The following DPP6 variants were observed in gnomAD, a reference collection of about 807,000 sequenced individuals.
DPP6 encodes the protein A-type potassium channel modulatory protein DPP6.
Under a neutral mutation model 122.6 loss-of-function variants are expected in DPP6, and 69 were observed. That is an observed-to-expected ratio of 0.56 (90% CI 0.46 to 0.69). DPP6 has a LOEUF of 0.69. DPP6 is among the 30% of genes least tolerant of loss of function. The pLI is 0.00. For missense variants in DPP6, 928 were observed against 1,116.9 expected, an observed-to-expected ratio of 0.83 and a Z score of 2.41; for synonymous variants, 418 against 433.1, an observed-to-expected ratio of 0.97 and a Z score of 0.43.
chr7:154,619,739 A>G (rs752324424), intron 5 of DPP6, among the ~76,000 whole-genome samples: 4 of 152,118 alleles, frequency 2.6e-5, no homozygotes, highest in Non-Finnish European at 4.4e-5. Context: ...ATACAACCAC[A>G]TTATACGTTA....
chr7:153,807,432 A>AAAC, the DPP6 span, among the ~76,000 whole-genome samples: 4 of 148,626 alleles, frequency 2.7e-5, no homozygotes, highest in African/African-American at 7.3e-5. Flanking sequence ...AACAAACAAA[A>AAAC]AAAAAAACAA....
At chr7:154,085,055 T>C (rs568527196) in intron 1 of DPP6, among the ~76,000 whole-genome samples, 109 of 152,160 alleles carry the variant, frequency 7.2e-4, no homozygotes, top group Admixed American at 2.0e-3. Context: ...TTTCTTTTGT[T>C]TTAATTTACC....
chr7:153,897,623 T>C (rs1191034054), intron 1 of DPP6, among the ~76,000 whole-genome samples: 2 of 152,212 alleles, frequency 1.3e-5, no homozygotes, highest in Non-Finnish European at 2.9e-5. Context: ...ATAGTCTCTT[T>C]TCTAGGGAAA....
chr7:154,806,256 T>G (rs1798689994), intron 15 of DPP6, among the ~76,000 whole-genome samples: 1 of 152,242 alleles, frequency 6.6e-6, no homozygotes, highest in African/African-American at 2.4e-5. Context: ...GACTTCATAT[T>G]GAAACCTATG....
chr7:154,421,103 G>A (rs1376886892), intron 1 of DPP6, among the ~76,000 whole-genome samples: 1 of 152,110 alleles, frequency 6.6e-6, no homozygotes, highest in Non-Finnish European at 1.5e-5. Context: ...GTGACTTTGG[G>A]CACCCACGTC....
intron 1 of DPP6, among the ~76,000 whole-genome samples, chr7:154,021,113 G>A (rs1057479151): frequency 1.4e-4 from 21 of 152,186 alleles, no homozygotes; most frequent in African/African-American, 5.1e-4. Context: ...CAGAGGGTAA[G>A]ACGAGGACCC....
At chr7:154,387,632 C>T (rs1444082515) in intron 1 of DPP6, among the ~76,000 whole-genome samples, 1 of 152,180 alleles carries the variant, frequency 6.6e-6, no homozygotes, top group Non-Finnish European at 1.5e-5. Flanking sequence ...AAGCTGTCTC[C>T]TTCACCAGCC....
upstream of DPP6, among the ~76,000 whole-genome samples, chr7:153,883,872 T>G (rs1384229680): frequency 6.6e-6 from 1 of 152,240 alleles, no homozygotes; most frequent in Non-Finnish European, 1.5e-5. Flanking sequence ...TGCAGGGCTC[T>G]GGGTCACAAG....
At chr7:154,167,181 A>G (rs147072666) in intron 1 of DPP6, among the ~76,000 whole-genome samples, 50 of 152,232 alleles carry the variant, frequency 3.3e-4, no homozygotes, top group African/African-American at 1.1e-3. Flanking sequence ...GACCTGTCAG[A>G]TGATTGACAA....
chr7:154,007,825 A>G (rs1316784265), intron 1 of DPP6, among the ~76,000 whole-genome samples: 1 of 152,114 alleles, frequency 6.6e-6, no homozygotes, highest in Non-Finnish European at 1.5e-5. Context: ...TCCTGTGGTC[A>G]CACACCTCGG....
intron 1 of DPP6, among the ~76,000 whole-genome samples, chr7:153,975,908 G>T (rs1796277016): frequency 6.6e-6 from 1 of 152,194 alleles, no homozygotes; most frequent in Admixed American, 6.5e-5. Flanking sequence ...TGTGTAGGAT[G>T]GGGATGATAA....
At chr7:154,130,570 G>A (rs1056998644) in intron 1 of DPP6, among the ~76,000 whole-genome samples, 10 of 152,162 alleles carry the variant, frequency 6.6e-5, no homozygotes, top group Admixed American at 3.3e-4. Context: ...AAGCGTATCC[G>A]AAACACTCAT....
intron 1 of DPP6, among the ~76,000 whole-genome samples, chr7:153,991,714 A>C (rs1373181427): frequency 6.6e-6 from 1 of 152,224 alleles, no homozygotes; most frequent in African/African-American, 2.4e-5. Context: ...TCCATTAGAC[A>C]GCGGTCTGTG....
intron 1 of DPP6, among the ~76,000 whole-genome samples, chr7:154,019,364 C>G (rs1219951010): frequency 3.3e-5 from 5 of 151,534 alleles, no homozygotes; most frequent in African/African-American, 4.9e-5. Context: ...TTTCTCTTTT[C>G]TCTCTTCTCT....
rs189676543 is a variant in DPP6 at position 154,822,139 on chromosome 7, C to G, written c.1666+15027C>G. 3.3e-5 allele frequency among the ~76,000 whole-genome samples: 5 copies of G among 152,252 alleles called. No individual in the cohort carries two copies. The East Asian group carries it at 7.7e-4, about 24-fold the overall frequency. Reference sequence around the variant, plus strand: ...TTTACGCCGTTGCATCTTGTCCATCCCTTTACAAATGCTGAGCTCCCAGAG... The same window carrying G: ...TTTACGCCGTTGCATCTTGTCCATCGCTTTACAAATGCTGAGCTCCCAGAG... On this transcript the variant is annotated intron_variant, in intron 16 of 25. Coordinates refer to ENST00000377770, the MANE Select transcript of DPP6 (RefSeq NM_130797.4).
At chr7:153,887,679 G>T (rs572133583) in exon 1 of DPP6, 2 of 1,613,896 alleles carry the variant, frequency 1.2e-6, no homozygotes, top group Admixed American at 1.7e-5. Context: ...CGGACTTGGG[G>T]CAAAATGAAG....
the DPP6 span, among the ~76,000 whole-genome samples, chr7:153,847,495 A>G: frequency 1.1e-4 from 17 of 152,220 alleles, 1 homozygote; most frequent in Admixed American, 9.8e-4. Context: ...TACTTTGGGG[A>G]TGATGCATTC....
At chr7:153,749,920 A>G in the DPP6 span, among the ~76,000 whole-genome samples, 1 of 152,342 alleles carries the variant, frequency 6.6e-6, no homozygotes, top group East Asian at 1.9e-4. This position sits in a 1 kb window ranked among gnomAD's most constrained non-coding sequence, Gnocchi z 4.1. Flanking sequence ...GACTGAATTT[A>G]TGCTTTACTC....
intron 1 of DPP6, among the ~76,000 whole-genome samples, chr7:154,070,186 C>T (rs1000652274): frequency 2.1e-5 from 3 of 144,738 alleles, no homozygotes; most frequent in African/African-American, 7.3e-5. Context: ...TTCCCTAGAG[C>T]TCCATACCGA....
Sources: allele counts gnomAD v4.1 joint callset (sites outside exome capture counted in the v4.1 genomes callset), GRCh38; gene constraint gnomAD v4.1.1; non-coding constraint Gnocchi (gnomAD v3.1); transcripts MANE v1.5; gene names NCBI Gene and HGNC (gene_info 2026-07-23, HGNC 2026-07-21).